Variants in EFHC2 observed in about 807,000 individuals in gnomAD.
The protein encoded by EFHC2 is EF-hand domain-containing family member C2.
A neutral mutation model predicts 52.7 loss-of-function variants in EFHC2; 18 were observed. The ratio of observed to expected loss-of-function variants is 0.34; its 90% confidence interval spans 0.24 to 0.51. The LOEUF is 0.51. EFHC2 is among the 20% of genes least tolerant of loss of function. The pLI is 0.97. For synonymous variants in EFHC2, 203 were observed against 204.1 expected (o/e 0.99, Z 0.04); for missense variants, 513 against 562.5 (o/e 0.91, Z 0.89).
At chrX:44,273,945 T>A (rs1330469547) in intron 2 of EFHC2, among the ~76,000 whole-genome samples, 1 of 111,654 alleles carries the variant, frequency 9.0e-6, no homozygotes, top group Non-Finnish European at 1.9e-5. Context: ...CCTCTAGGGG[T>A]GGTGGTCAGT....
intron 1 of EFHC2, among the ~76,000 whole-genome samples, chrX:44,315,149 C>T (rs1453277439): frequency 9.1e-6 from 1 of 110,368 alleles, no homozygotes; most frequent in Admixed American, 9.7e-5. Flanking sequence ...TGGGACCTCC[C>T]CCTTCTCTCT....
chrX:44,331,679 G>A (rs1049726801), intron 1 of EFHC2, among the ~76,000 whole-genome samples: 1 of 111,839 alleles, frequency 8.9e-6, no homozygotes, highest in African/African-American at 3.3e-5. Context: ...CACTTCGGGG[G>A]GCCGAGGCAG....
At chrX:44,249,450 T>TC (rs773103334) in intron 5 of EFHC2, among the ~76,000 whole-genome samples, 252 of 110,519 alleles carry the variant, frequency 2.3e-3, no homozygotes, top group African/African-American at 7.8e-3. Flanking sequence ...TTTTTGGTTT[T>TC]TTTTTTTTAC....
chrX:44,250,476 G>T (rs1336390419), intron 4 of EFHC2, 31 bp from the exon 5 acceptor site: 3 of 1,165,132 alleles, frequency 2.6e-6, no homozygotes, highest in East Asian at 3.0e-5. Context: ...AATAATAGTT[G>T]CAGGGTTTGC....
At chrX:44,237,686 CTT>C (rs2037330603) in intron 8 of EFHC2, among the ~76,000 whole-genome samples, 1 of 111,848 alleles carries the variant, frequency 8.9e-6, no homozygotes, top group Non-Finnish European at 1.9e-5. Context: ...GCCTATCTAA[CTT>C]AACCAATCAG....
At chrX:44,288,004 C>T (rs2037765311) in intron 2 of EFHC2, among the ~76,000 whole-genome samples, 1 of 111,947 alleles carries the variant, frequency 8.9e-6, no homozygotes, top group African/African-American at 3.3e-5. Flanking sequence ...AAAATTCATA[C>T]CTGCTTATTA....
intron 11 of EFHC2, among the ~76,000 whole-genome samples, chrX:44,229,276 G>A (rs1461774850): frequency 8.9e-6 from 1 of 111,868 alleles, no homozygotes; most frequent in Non-Finnish European, 1.9e-5. Flanking sequence ...TCCTGGAGAT[G>A]TCCCTCCTTT....
rs973687558 is a variant in EFHC2 at position 44,227,240 on chromosome X, T to C, written c.1751+2409A>G. Among the ~76,000 whole-genome samples the C allele has an allele frequency of 4.5e-5, 5 of 110,917 alleles. No homozygotes were observed. The Admixed American group carries it at 4.8e-4, about 11-fold the overall frequency. On this transcript the variant is annotated intron_variant, in intron 11 of 14. Coordinates refer to ENST00000420999, the MANE Select transcript of EFHC2 (RefSeq NM_025184.4). ...TACATAATGAAAGGAAAATATTAGCTAGTAAAAGCACTGAGCAAAGAATTG... is the reference window on the plus strand; with the variant it reads ...TACATAATGAAAGGAAAATATTAGCCAGTAAAAGCACTGAGCAAAGAATTG...
rs1555995160 is a variant in EFHC2 at position 44,148,226 on chromosome X, C to CATGCGT, written c.*568_*569insACGCAT. The CATGCGT allele has an allele frequency of 1.1e-5, 1 of 94,878 alleles. No individual in the cohort carries two copies. Among genetic ancestry groups the CATGCGT allele is most frequent in the Admixed American group, 1.3e-4 (1 of 7,561 alleles). 7.8% of individuals were successfully genotyped at this position (94,878 alleles called of 1,213,427 possible). ...TGCATATGTTTCCAGTGTGTGTGCACGTGCGTGTGTGTGTGTGTGTGTGTG... is the reference window on the plus strand; with the variant it reads ...TGCATATGTTTCCAGTGTGTGTGCACATGCGTGTGCGTGTGTGTGTGTGTGTGTGTG... On this transcript the variant is annotated 3_prime_UTR_variant, in exon 15 of 15. Transcript: ENST00000420999.
At chrX:44,163,257 T>C (rs2036671200) in intron 14 of EFHC2, among the ~76,000 whole-genome samples, 1 of 111,969 alleles carries the variant, frequency 8.9e-6, no homozygotes, top group African/African-American at 3.2e-5. Flanking sequence ...ATTTGCTTTA[T>C]CAAGGGACTT....
At chrX:44,261,754 CAAAAAAAAAAAA>C (rs769527844) in intron 3 of EFHC2, among the ~76,000 whole-genome samples, 1 of 32,484 alleles carries the variant, frequency 3.1e-5, no homozygotes, top group East Asian at 1.2e-3. Flanking sequence ...ACTCATGGCT[CAAAAAAAAAAAA>C]AAAAAAAAAA....
intron 1 of EFHC2, among the ~76,000 whole-genome samples, chrX:44,330,535 T>C (rs893773737): frequency 1.8e-5 from 2 of 110,879 alleles, no homozygotes; most frequent in East Asian, 5.8e-4. Context: ...CTGGGCACGG[T>C]GGCTCATGCC....
chrX:44,209,398 A>G (rs1003366191), intron 11 of EFHC2, among the ~76,000 whole-genome samples: 1 of 110,905 alleles, frequency 9.0e-6, no homozygotes, highest in African/African-American at 3.3e-5. Context: ...CTTTATTCAC[A>G]GACGACAGGA....
At chrX:44,273,737 GA>G (rs2037634569) in intron 2 of EFHC2, among the ~76,000 whole-genome samples, 1 of 111,994 alleles carries the variant, frequency 8.9e-6, no homozygotes, top group Non-Finnish European at 1.9e-5. Flanking sequence ...GGGAAAAGTA[GA>G]TTCAGGCTAC....
chrX:44,281,933 T>G (rs1448362558), intron 2 of EFHC2, among the ~76,000 whole-genome samples: 2 of 111,474 alleles, frequency 1.8e-5, no homozygotes, highest in Non-Finnish European at 3.8e-5. Context: ...TGTGTGTTTC[T>G]CCTATTAAAT....
chrX:44,290,920 G>A (rs1428722077), intron 2 of EFHC2, among the ~76,000 whole-genome samples: 2 of 110,841 alleles, frequency 1.8e-5, no homozygotes, highest in African/African-American at 6.6e-5. Flanking sequence ...TAAACCATGT[G>A]GAAACCCCTA....
At chrX:44,326,378 G>A (rs1238871770) in intron 1 of EFHC2, among the ~76,000 whole-genome samples, 4 of 111,197 alleles carry the variant, frequency 3.6e-5, no homozygotes, top group African/African-American at 1.3e-4. Context: ...AAAGCTAGAA[G>A]AGAGGATTTT....
At chrX:44,161,507 G>A (rs965046385) in intron 14 of EFHC2, among the ~76,000 whole-genome samples, 2 of 111,457 alleles carry the variant, frequency 1.8e-5, no homozygotes, top group East Asian at 5.7e-4. Context: ...GACTGGCAGG[G>A]AGGAAGAAGA....
chrX:44,221,458 T>C (rs1260907038), intron 11 of EFHC2, among the ~76,000 whole-genome samples: 1 of 112,182 alleles, frequency 8.9e-6, no homozygotes, highest in Admixed American at 9.4e-5. Context: ...ATAGCTCTTC[T>C]ATAGACTCTA....
Sources: allele counts gnomAD v4.1 joint callset (sites outside exome capture counted in the v4.1 genomes callset), GRCh38; gene constraint gnomAD v4.1.1; transcripts MANE v1.5; gene names NCBI Gene and HGNC (gene_info 2026-07-23, HGNC 2026-07-21).